The following GLUD1 variants were observed in gnomAD, a reference collection of about 807,000 sequenced individuals.
GLUD1 encodes the protein glutamate dehydrogenase 1.
Under a neutral mutation model 56.0 loss-of-function variants are expected in GLUD1, and 22 were observed. That is an observed-to-expected ratio of 0.39 (90% CI 0.28 to 0.56). GLUD1 has a LOEUF of 0.56. GLUD1 is among the 20% of genes least tolerant of loss of function. GLUD1 has a pLI of 0.58. For synonymous variants in GLUD1, 223 were observed against 269.9 expected (o/e 0.83, Z 1.70); for missense variants, 451 against 732.0 (o/e 0.62, Z 4.43).
intron 5 of GLUD1, among the ~76,000 whole-genome samples, chr10:87,064,106 T>A (rs1237071302): frequency 1.3e-5 from 2 of 152,012 alleles, no homozygotes; most frequent in Non-Finnish European, 2.9e-5. Flanking sequence ...TAGTAGAGAG[T>A]AACATCCTGT....
At chr10:87,072,745 C>T (rs2181522) in intron 4 of GLUD1, among the ~76,000 whole-genome samples, 104,650 of 152,120 alleles carry the variant, frequency 0.69, 36,558 homozygotes, top group African/African-American at 0.8. Flanking sequence ...ATATGGGTGA[C>T]AAATATGACT....
rs763522032 is a variant in GLUD1, at chr10:87,074,517, C to T, written c.646+34G>A. ...AAAAAAAAAAATTTTTAGATGTTCC[C>T]ACTTTATACCAAAAACTATGTGGCT... is the stretch of plus-strand genomic sequence containing the variant. On this transcript the variant is annotated intron_variant, in intron 4 of 12. Coordinates refer to ENST00000277865, the MANE Select transcript of GLUD1 (RefSeq NM_005271.5). 7.7e-6 allele frequency: 10 copies of T among 1,295,408 alleles called. 1 individual carries two copies. In the East Asian group the frequency reaches 1.6e-4, roughly 21 times the overall value. 80.2% of individuals were successfully genotyped at this position (1,295,408 alleles called of 1,614,324 possible). A position where few individuals can be genotyped will look rare whatever the true frequency, so the allele number is the denominator to read the frequency against.
In GLUD1 at chr10:87,063,384, A is replaced by G. The variant is rs539682980; in HGVS notation, c.742-549T>C. Among the ~76,000 whole-genome samples, 25 of 152,280 alleles carry G rather than the reference A, an allele frequency of 1.6e-4. No homozygotes were observed. In the South Asian group the frequency reaches 5.0e-3, roughly 30 times the overall value. On this transcript the variant is annotated intron_variant, in intron 5 of 12. Transcript: ENST00000277865. ...CACCACGCCCGGCAAAGTAGACCAT[A>G]TTTTCTGACAGAAAAAACAAGAGTG...
At position 87,053,330 on chromosome 10, in the gene GLUD1, C is replaced by T. The variant is rs201872390; in HGVS notation, c.1557+12G>A. ...TGACTAGCTGGAAGGCAAACAGCAT[C>T]TGCACACATACCCTGGCAGAACGCT... On this transcript the variant is annotated intron_variant, in intron 12 of 12. Coordinates refer to ENST00000277865, the MANE Select transcript of GLUD1 (RefSeq NM_005271.5). 157 of 1,594,932 alleles carry T rather than the reference C, an allele frequency of 9.8e-5. No individual in the cohort carries two copies. In the Middle Eastern group the frequency reaches 1.8e-3, roughly 18 times the overall value.
chr10:87,074,585 C>A lies in GLUD1; in HGVS notation c.612G>T (p.Arg204Ser). The A allele has an allele frequency of 6.3e-7, 1 of 1,589,564 alleles. No individual in the cohort carries two copies. ...TDNELEKITR[R>S]FTMELAKKGF... Reference sequence around the variant, plus strand: ...CCTTTTTTGCTAGCTCCATGGTGAACCTCCTTGTGATCTTTTCCAATTCAT... The same window carrying A: ...CCTTTTTTGCTAGCTCCATGGTGAAACTCCTTGTGATCTTTTCCAATTCAT... The change falls in exon 4 of 13, where the codon AGG becomes AGT. Residue 204 changes from arginine (R) to serine (S), a missense_variant. Physicochemically the swap from Arg to Ser is moderately radical, Grantham distance 110 (BLOSUM62 -1). Transcript: ENST00000277865.
intron 5 of GLUD1, 121 bp downstream of exon 5, chr10:87,067,942 C>A: frequency 8.6e-6 from 6 of 695,460 alleles, no homozygotes; most frequent in South Asian, 7.5e-5. Flanking sequence ...ATATGCACAT[C>A]AAGATTATGA....
chr10:87,079,753 A>G (rs1404418875), intron 1 of GLUD1, among the ~76,000 whole-genome samples: 1 of 151,622 alleles, frequency 6.6e-6, no homozygotes, highest in Non-Finnish European at 1.5e-5. Context: ...ATTACAAAGT[A>G]ATGGCATGTA....
chr10:87,064,034 C>G (rs1445007059), intron 5 of GLUD1, among the ~76,000 whole-genome samples: 1 of 152,112 alleles, frequency 6.6e-6, no homozygotes, highest in African/African-American at 2.4e-5. Context: ...CCCACCATCA[C>G]GCCCGGCTAA....
At chr10:87,067,752 T>G (rs1846115996) in intron 5 of GLUD1, 1 of 360,862 alleles carries the variant, frequency 2.8e-6, no homozygotes, top group Admixed American at 3.8e-5. Flanking sequence ...CCTTAGTTCC[T>G]CTTTAAATGG....
chr10:87,080,598 T>A (rs1271536192), intron 1 of GLUD1, among the ~76,000 whole-genome samples: 2 of 149,224 alleles, frequency 1.3e-5, no homozygotes, highest in Non-Finnish European at 3.0e-5. Context: ...CCGCCCCGTC[T>A]GGGATGTGAG....
chr10:87,061,311 C>T (rs1845923733), intron 6 of GLUD1: 1 of 582,228 alleles, frequency 1.7e-6, no homozygotes, highest in Admixed American at 2.2e-5. Context: ...CACTTGAGGT[C>T]AGGAGTTCGA....
chr10:87,067,232 T>C (rs1283406593), intron 5 of GLUD1, among the ~76,000 whole-genome samples: 2 of 152,186 alleles, frequency 1.3e-5, no homozygotes, highest in African/African-American at 4.8e-5. Context: ...CATTTACCTC[T>C]TCATTCTTAC....
At chr10:87,083,069 C>T (rs1481017736) in intron 1 of GLUD1, among the ~76,000 whole-genome samples, 1 of 152,022 alleles carries the variant, frequency 6.6e-6, no homozygotes, top group Non-Finnish European at 1.5e-5. Context: ...GGTGAAACCC[C>T]ATCTTTACTG....
chr10:87,061,091 C>A (rs757042910), intron 6 of GLUD1, 39 bp from the exon 7 acceptor site: 1 of 1,578,364 alleles, frequency 6.3e-7, no homozygotes, highest in South Asian at 1.1e-5. Flanking sequence ...AAATTAAAGT[C>A]CTGGTATAGA....
intron 4 of GLUD1, among the ~76,000 whole-genome samples, chr10:87,072,302 T>C (rs952933394): frequency 3.9e-5 from 6 of 152,288 alleles, no homozygotes; most frequent in Non-Finnish European, 7.4e-5. Flanking sequence ...CACAAATTAG[T>C]GTACAGATTC....
At position 87,051,834 on chromosome 10, in the gene GLUD1, A is replaced by G; in HGVS notation, c.1594T>C (p.Leu532=). The change falls in exon 13 of 13, where the codon TTG becomes CTG. Residue 532 remains leucine (L), a synonymous_variant. Coordinates refer to ENST00000277865, the MANE Select transcript of GLUD1 (RefSeq NM_005271.5). ...ACATAGGCAGCTGTTCTCAGGTCCA[A>G]TCCCAGGTTATACTTCATGGCTGTG... is the stretch of plus-strand genomic sequence containing the variant. ...MRTAMKYNLG[L]DLRTAAYVNA... The G allele has an allele frequency of 2.5e-6, 4 of 1,614,114 alleles. No individual in the cohort carries two copies. Among genetic ancestry groups the G allele is most frequent in the South Asian group, 1.1e-5 (1 of 91,082 alleles).
rs1402955248 is a variant in GLUD1, at chr10:87,068,222, A to T, written c.647-65T>A. 1.4e-5 allele frequency: 14 copies of T among 975,394 alleles called. No homozygotes were observed. The East Asian group carries it at 2.9e-4, about 20-fold the overall frequency. The allele number at this position is 975,394 out of a possible 1,614,324, so 60.4% of individuals were successfully genotyped here. On this transcript the variant is annotated intron_variant, in intron 4 of 12. Transcript: ENST00000277865. ...AGAAAAATTCTTCTCGAACACAAAGATCCTTGTAAGTCTCTGTAATAACCA... is the reference window on the plus strand; with the variant it reads ...AGAAAAATTCTTCTCGAACACAAAGTTCCTTGTAAGTCTCTGTAATAACCA...
chr10:87,062,639 T>G lies in GLUD1; in HGVS notation c.921+17A>C. The G allele has an allele frequency of 1.9e-6, 3 of 1,601,636 alleles. No homozygotes were observed. The highest frequency in any genetic ancestry group is 2.6e-6 in the Non-Finnish European group (3 of 1,169,396). ...TCTATCAGTTATTAAGGAAACTTTT[T>G]TTGTTTTTGTTTTTACCTGAACAAC... On this transcript the variant is annotated intron_variant, in intron 6 of 12. Transcript: ENST00000277865.
chr10:87,076,037 C>A lies in GLUD1; in HGVS notation c.527-14G>T. On this transcript the variant is annotated splice_polypyrimidine_tract_variant and intron_variant, in intron 2 of 12. Transcript: ENST00000277865. The stretch of plus-strand genomic sequence containing the variant: ...CAAACGGCACATCTGAAAGAGAAGG[C>A]TGATGGTTGCTATTCCATATAAATG... 1 of 1,579,200 alleles carries A rather than the reference C, an allele frequency of 6.3e-7. No individual in the cohort carries two copies. Among genetic ancestry groups the A allele is most frequent in the Non-Finnish European group, 8.6e-7 (1 of 1,156,424 alleles).
Sources: gnomAD v4.1 joint callset for allele counts (sites outside exome capture counted in the v4.1 genomes callset) on GRCh38, gnomAD v4.1.1 for gene constraint, MANE v1.5 for transcripts, NCBI Gene and HGNC (gene_info 2026-07-23, HGNC 2026-07-21) for gene names.